Variants in MADD observed in about 807,000 individuals in gnomAD.
MADD encodes MAP kinase-activating death domain protein.
In MADD, 109 loss-of-function variants were observed where a neutral mutation model predicts 176.7. The observed-to-expected ratio is 0.62, with a 90% CI of 0.53 to 0.72. The LOEUF (loss-of-function observed/expected upper bound fraction) is 0.72, where lower values mean the gene tolerates loss of function less well. Among genes scored for constraint, MADD ranks in the 30% least tolerant of loss-of-function variants. MADD has a pLI of 0.00. For synonymous variants in MADD, 771 were observed against 771.3 expected (o/e 1.00, Z 0.01); for missense variants, 1,914 against 2,045.5 (o/e 0.94, Z 1.24).
chr11:47,276,451 C>T (rs1457689520), intron 4 of MADD, among the ~76,000 whole-genome samples: 1 of 152,144 alleles, frequency 6.6e-6, no homozygotes, highest in African/African-American at 2.4e-5. Flanking sequence ...TGACCTAATT[C>T]TTTGGAAATA....
In MADD at chr11:47,286,548, T is replaced by G. The variant is rs548725109; in HGVS notation, c.2653+14T>G. The G allele has an allele frequency of 5.6e-6, 9 of 1,597,348 alleles. No homozygotes were observed. Among genetic ancestry groups the G allele is most frequent in the South Asian group, 5.5e-5 (5 of 90,630 alleles). ...CCAGTCTGAAAGGTAACTACAGCCT[T>G]CCTTTTGCCAAGCCAGGTTTCTCCG... On this transcript the variant is annotated intron_variant, in intron 15 of 32. Coordinates refer to ENST00000402192, the Ensembl canonical transcript of MADD.
intron 2 of MADD, among the ~76,000 whole-genome samples, chr11:47,274,240 C>T (rs940893630): frequency 6.6e-6 from 1 of 152,146 alleles, no homozygotes; most frequent in Non-Finnish European, 1.5e-5. Flanking sequence ...AGAAAAAGTA[C>T]ATTATAAGCT....
intron 22 of MADD, among the ~76,000 whole-genome samples, chr11:47,297,363 T>A (rs371382689): frequency 1.3e-5 from 2 of 152,164 alleles, no homozygotes; most frequent in South Asian, 2.1e-4. Flanking sequence ...GCCTTAACTC[T>A]CTCTCAGTCT....
rs189390143 is a variant in MADD at position 47,298,860 on chromosome 11, T to C, written c.3642+2805T>C. The stretch of plus-strand genomic sequence containing the variant: ...ATTTTGGGTTGATTTTTGTATATGG[T>C]GAGAGCTAAGGGGTCTAGTTTTATT... On this transcript the variant is annotated intron_variant, in intron 22 of 32. Coordinates refer to ENST00000402192, the Ensembl canonical transcript of MADD. Among the ~76,000 whole-genome samples the C allele has an allele frequency of 2.2e-4, 34 of 152,304 alleles. No individual in the cohort carries two copies. The East Asian group carries it at 6.2e-3, about 28-fold the overall frequency.
At chr11:47,275,724 A>G (rs1240477013) in intron 3 of MADD, among the ~76,000 whole-genome samples, 175 bp from the exon 4 acceptor site, 1 of 152,064 alleles carries the variant, frequency 6.6e-6, no homozygotes, top group African/African-American at 2.4e-5. Context: ...ATATCTTTAC[A>G]TTTGCTTTTG....
At position 47,289,496 on chromosome 11, in the gene MADD, A is replaced by G; in HGVS notation, c.2756+3A>G. 1.2e-6 allele frequency: 2 copies of G among 1,612,760 alleles called. No individual in the cohort carries two copies. The highest frequency in any genetic ancestry group is 1.7e-6 in the Non-Finnish European group (2 of 1,178,706). ...CAGGGTCGATCCAGCAATTCTAGGT[A>G]ATAAATGGTAGAGCTGTTTTAAAAG... On this transcript the variant is annotated splice_donor_region_variant and intron_variant, in intron 16 of 32. Coordinates refer to ENST00000402192, the Ensembl canonical transcript of MADD.
In MADD at chr11:47,274,487, A is replaced by G. The variant is rs951804604; in HGVS notation, c.63-76A>G. Reference sequence around the variant, plus strand: ...TATCCAAAATAGCATCTTGAGCTTTATTTGTTGACTGTGGTTAAAATTTGA... The same window carrying G: ...TATCCAAAATAGCATCTTGAGCTTTGTTTGTTGACTGTGGTTAAAATTTGA... On this transcript the variant is annotated intron_variant, in intron 2 of 32. Coordinates refer to ENST00000402192, the Ensembl canonical transcript of MADD. 7.1e-5 allele frequency: 85 copies of G among 1,194,706 alleles called. No homozygotes were observed. The African/African-American group carries it at 1.2e-3, about 17-fold the overall frequency. 74.0% of individuals were successfully genotyped at this position (1,194,706 alleles called of 1,614,324 possible). A position where few individuals can be genotyped will look rare whatever the true frequency, so the allele number is the denominator to read the frequency against.
At chr11:47,295,781 A>G (rs998813944) in intron 21 of MADD, 116 bp from the exon 24 acceptor site, 33 of 1,524,916 alleles carry the variant, frequency 2.2e-5, no homozygotes, top group South Asian at 4.0e-5. Context: ...TCCAGAGGCT[A>G]TCTGACACAC....
chr11:47,328,827 A>C, intron 32 of MADD, 123 bp downstream of exon 36: 1 of 1,312,300 alleles, frequency 7.6e-7, no homozygotes, highest in Non-Finnish European at 1.1e-6. Flanking sequence ...TTTTGTTGCC[A>C]AAGGTTCAAC....
At chr11:47,322,976 G>A (rs371884456) in intron 27 of MADD, among the ~76,000 whole-genome samples, 1 of 152,128 alleles carries the variant, frequency 6.6e-6, no homozygotes, top group Non-Finnish European at 1.5e-5. Context: ...GGTGGCTCAC[G>A]CCTGTAATCC....
chr11:47,284,974 G>A, exon 13 of MADD: 4 of 1,613,908 alleles, frequency 2.5e-6, no homozygotes, highest in Non-Finnish European at 2.5e-6. Flanking sequence ...GGATGATAAG[G>A]CAGCAGTAGG....
intron 32 of MADD, 87 bp downstream of exon 36, chr11:47,328,791 G>A (rs1052446613): frequency 1.3e-6 from 2 of 1,553,052 alleles, no homozygotes; most frequent in Admixed American, 1.8e-5. Context: ...GGCCCTCTGA[G>A]CGCACAGGGG....
At chr11:47,311,500 C>T (rs1017079815) in intron 25 of MADD, among the ~76,000 whole-genome samples, 1 of 152,132 alleles carries the variant, frequency 6.6e-6, no homozygotes. Flanking sequence ...GAACCAGAAC[C>T]GCTCTAAGAG....
chr11:47,269,603 G>C (rs1032541745), upstream of MADD: 4 of 151,966 alleles, frequency 2.6e-5, no homozygotes, highest in African/African-American at 9.7e-5. Context: ...GGGCGCCGCG[G>C]CGCGGCCACG....
At position 47,296,064 on chromosome 11, in the gene MADD, T is replaced by C; in HGVS notation, c.3642+9T>C. On this transcript the variant is annotated intron_variant, in intron 22 of 32. Transcript: ENST00000402192. Reference sequence around the variant, plus strand: ...CCACAAGCACCATCTTTGTAAGCTTTGTTTATTAACAAAAGAAAACCATTT... The same window carrying C: ...CCACAAGCACCATCTTTGTAAGCTTCGTTTATTAACAAAAGAAAACCATTT... 6.2e-7 allele frequency: 1 copy of C among 1,606,374 alleles called. No homozygotes were observed. Among genetic ancestry groups the C allele is most frequent in the Non-Finnish European group, 8.5e-7 (1 of 1,177,514 alleles).
Position 47,289,552 on chromosome 11 carries a change from C to T in MADD, c.2756+59C>T, listed in dbSNP as rs1592739397. 7.7e-6 allele frequency: 11 copies of T among 1,432,780 alleles called. No individual in the cohort carries two copies. The South Asian group carries it at 1.1e-4, about 15-fold the overall frequency. 88.8% of individuals were successfully genotyped at this position (1,432,780 alleles called of 1,614,324 possible). A position where few individuals can be genotyped will look rare whatever the true frequency, so the allele number is the denominator to read the frequency against. On this transcript the variant is annotated intron_variant, in intron 16 of 32. Transcript: ENST00000402192. ...AGGCAGAGGTGGGGTGGTTCCTCTA[C>T]AGAACTTTAGGGATGCTCAAGAGTG...
At chr11:47,327,745 C>T in intron 31 of MADD, 1 of 985,432 alleles carries the variant, frequency 1.0e-6, no homozygotes, top group African/African-American at 1.7e-5. Context: ...CCTGGGTTCC[C>T]CCAAATTCTA....
chr11:47,290,446 T>G, intron 18 of MADD, 147 bp downstream of exon 19: 1 of 1,293,478 alleles, frequency 7.7e-7, no homozygotes. Flanking sequence ...AATGCATGTT[T>G]ATACGCAGTG....
At chr11:47,286,555 G>T in intron 15 of MADD, 21 bp downstream of exon 15, 1 of 1,575,576 alleles carries the variant, frequency 6.3e-7, no homozygotes, top group Non-Finnish European at 8.7e-7. Flanking sequence ...CCTTCCTTTT[G>T]CCAAGCCAGG....
Sources: allele counts gnomAD v4.1 joint callset (sites outside exome capture counted in the v4.1 genomes callset), GRCh38; gene constraint gnomAD v4.1.1; transcripts MANE v1.5; gene names NCBI Gene and HGNC (gene_info 2026-07-23, HGNC 2026-07-21).